Variants in LRRTM4 observed in about 807,000 individuals in gnomAD.
LRRTM4 encodes leucine rich repeat transmembrane neuronal 4, also known as leucine-rich repeat transmembrane neuronal protein 4.
Under a neutral mutation model 47.6 loss-of-function variants are expected in LRRTM4, and 25 were observed. That is an observed-to-expected ratio of 0.53 (90% CI 0.38 to 0.73). The LOEUF is 0.73. Among genes scored for constraint, LRRTM4 ranks in the 30% least tolerant of loss-of-function variants. The pLI is 0.00. For missense variants in LRRTM4, 638 were observed against 713.4 expected, an observed-to-expected ratio of 0.89 and a Z score of 1.20; for synonymous variants, 311 against 269.5, an observed-to-expected ratio of 1.15 and a Z score of -1.51.
At chr2:77,085,103 A>G (rs1572941983) in intron 3 of LRRTM4, among the ~76,000 whole-genome samples, 1 of 152,182 alleles carries the variant, frequency 6.6e-6, no homozygotes, top group East Asian at 1.9e-4. Flanking sequence ...TGGAAAAGAA[A>G]TATTTTTATG....
chr2:77,363,955 T>C (rs927471757), intron 3 of LRRTM4, among the ~76,000 whole-genome samples: 1 of 152,140 alleles, frequency 6.6e-6, no homozygotes, highest in African/African-American at 2.4e-5. Flanking sequence ...AAGTGATGTA[T>C]AATTCCCCAT....
intron 3 of LRRTM4, among the ~76,000 whole-genome samples, chr2:77,477,943 GAAAGAAAGAAAGAAAGAAAGAA>G (rs1399867116): frequency 1.4e-5 from 2 of 138,068 alleles, no homozygotes; most frequent in African/African-American, 5.6e-5. Flanking sequence ...AAGAAAGAAA[GAAAGAAAGAAAGAAAGAAAGAA>G]AGAAAAAGAA....
chr2:77,519,623 G>T lies in LRRTM4; in HGVS notation c.246C>A (p.Ala82=), dbSNP rs768339020. The part of the protein sequence containing the change: ...SIQKLKSNQF[A]GLNQLIWLYL... ...AAAGCCATATAAGCTGGTTAAGGCCGGCAAACTGATTGGATTTGAGCTTCT... is the reference window on the plus strand; with the variant it reads ...AAAGCCATATAAGCTGGTTAAGGCCTGCAAACTGATTGGATTTGAGCTTCT... Residue 82 remains alanine (A), a synonymous_variant, in exon 3 of 4, where the codon GCC becomes GCA. Transcript: ENST00000409884. The surrounding 1 kb of genome is among the most constrained non-coding windows in gnomAD (Gnocchi z 4.6). The T allele has an allele frequency of 3.7e-6, 6 of 1,613,410 alleles. No individual in the cohort carries two copies. Among genetic ancestry groups the T allele is most frequent in the Non-Finnish European group, 5.1e-6 (6 of 1,179,646 alleles).
chr2:77,058,854 T>C (rs1679692935), intron 3 of LRRTM4, among the ~76,000 whole-genome samples: 1 of 152,174 alleles, frequency 6.6e-6, no homozygotes, highest in African/African-American at 2.4e-5. Flanking sequence ...ATAGGTAATA[T>C]TGGATACTTA....
At chr2:77,440,454 T>C (rs1675797542) in intron 3 of LRRTM4, among the ~76,000 whole-genome samples, 1 of 152,062 alleles carries the variant, frequency 6.6e-6, no homozygotes, top group Non-Finnish European at 1.5e-5. Context: ...TAACACCACA[T>C]AGGAGTGCAA....
intron 3 of LRRTM4, among the ~76,000 whole-genome samples, chr2:77,217,518 T>C (rs1295102138): frequency 7.2e-6 from 1 of 138,226 alleles, no homozygotes; most frequent in Non-Finnish European, 1.5e-5. Flanking sequence ...TAAATTGTGT[T>C]TGTAGAACTG....
chr2:77,459,187 CA>C (rs1676680373), intron 3 of LRRTM4, among the ~76,000 whole-genome samples: 1 of 152,090 alleles, frequency 6.6e-6, no homozygotes, highest in Non-Finnish European at 1.5e-5. Context: ...TTTATCTCCT[CA>C]AAAATTGGAT....
intron 3 of LRRTM4, among the ~76,000 whole-genome samples, chr2:76,759,657 C>A (rs1558635570): frequency 1.3e-5 from 2 of 151,912 alleles, no homozygotes; most frequent in South Asian, 2.1e-4. Context: ...ATGTAGAAGT[C>A]AAAAATAAGA....
At chr2:77,184,353 A>G (rs1673440214) in intron 3 of LRRTM4, among the ~76,000 whole-genome samples, 2 of 152,162 alleles carry the variant, frequency 1.3e-5, no homozygotes, top group East Asian at 3.9e-4. Flanking sequence ...CTCACAGGGA[A>G]GGAAGTGGCA....
At chr2:77,221,707 A>G (rs1674637863) in intron 3 of LRRTM4, among the ~76,000 whole-genome samples, 1 of 152,080 alleles carries the variant, frequency 6.6e-6, no homozygotes, top group South Asian at 2.1e-4. Flanking sequence ...TTCATAAAGC[A>G]AGTCCTGAGT....
At chr2:77,512,339 A>T (rs185372681) in intron 3 of LRRTM4, among the ~76,000 whole-genome samples, 1 of 152,224 alleles carries the variant, frequency 6.6e-6, no homozygotes, top group East Asian at 1.9e-4. Context: ...CCTTACAGTT[A>T]CAATTTTAAT....
chr2:77,156,788 A>C (rs1444562518), intron 3 of LRRTM4, among the ~76,000 whole-genome samples: 2 of 151,672 alleles, frequency 1.3e-5, no homozygotes, highest in Admixed American at 6.6e-5. Context: ...ACTCACTGCA[A>C]GCTGGCCTCC....
chr2:77,425,849 C>T (rs1241109856), intron 3 of LRRTM4, among the ~76,000 whole-genome samples: 1 of 152,038 alleles, frequency 6.6e-6, no homozygotes, highest in East Asian at 1.9e-4. Flanking sequence ...GGCGTGGGAG[C>T]TCACACCTGT....
At chr2:77,195,315 T>C (rs887664378) in intron 3 of LRRTM4, among the ~76,000 whole-genome samples, 1 of 151,974 alleles carries the variant, frequency 6.6e-6, no homozygotes, top group African/African-American at 2.4e-5. Flanking sequence ...TAAATATTTA[T>C]AGATTTTTCT....
At chr2:76,951,256 T>A (rs1442431609) in intron 3 of LRRTM4, among the ~76,000 whole-genome samples, 3 of 152,060 alleles carry the variant, frequency 2.0e-5, no homozygotes, top group African/African-American at 7.2e-5. Context: ...CTTGTCAACA[T>A]GTATGAAATT....
intron 3 of LRRTM4, among the ~76,000 whole-genome samples, chr2:77,482,390 C>A (rs1202244482): frequency 6.6e-6 from 1 of 151,844 alleles, no homozygotes; most frequent in Non-Finnish European, 1.5e-5. Flanking sequence ...ATGTAAATTA[C>A]CATAAAATAA....
At chr2:77,027,878 A>G (rs571402871) in intron 3 of LRRTM4, among the ~76,000 whole-genome samples, 3 of 152,216 alleles carry the variant, frequency 2.0e-5, no homozygotes, top group African/African-American at 7.2e-5. Context: ...ATACAGTCCC[A>G]TTTGAGAAAC....
intron 3 of LRRTM4, among the ~76,000 whole-genome samples, chr2:76,837,669 A>G (rs1671554234): frequency 6.6e-6 from 1 of 152,156 alleles, no homozygotes; most frequent in Non-Finnish European, 1.5e-5. Flanking sequence ...CACAATAGCA[A>G]AGACTTGGAA....
intron 3 of LRRTM4, among the ~76,000 whole-genome samples, chr2:77,463,700 C>A (rs1676875370): frequency 6.6e-6 from 1 of 151,968 alleles, no homozygotes; most frequent in African/African-American, 2.4e-5. Flanking sequence ...TAGTTCAACC[C>A]CCTTTTTACA....
Sources: gnomAD v4.1 joint callset for allele counts (sites outside exome capture counted in the v4.1 genomes callset) on GRCh38, gnomAD v4.1.1 for gene constraint, Gnocchi (gnomAD v3.1) non-coding constraint, MANE v1.5 for transcripts, NCBI Gene and HGNC (gene_info 2026-07-23, HGNC 2026-07-21) for gene names.